The following PTPRT variants were observed in gnomAD, a reference collection of about 807,000 sequenced individuals.
PTPRT encodes protein tyrosine phosphatase receptor type T.
PTPRT carries 56 observed loss-of-function variants against 176.8 expected under a neutral mutation model. The ratio of observed to expected loss-of-function variants is 0.32; its 90% CI spans 0.26 to 0.40. The LOEUF (loss-of-function observed/expected upper bound fraction) is 0.40, where lower values mean the gene tolerates loss of function less well. Ranked by LOEUF, PTPRT falls within the 10% of genes least tolerant of loss-of-function variation. The pLI is 1.00. For missense variants in PTPRT, 1,540 were observed against 1,908.2 expected (o/e 0.81, Z 3.60); for synonymous variants, 783 against 739.0 (o/e 1.06, Z -0.96).
intron 6 of PTPRT, among the ~76,000 whole-genome samples, chr20:42,730,628 T>G (rs573826650): frequency 6.6e-6 from 1 of 152,132 alleles, no homozygotes; most frequent in Non-Finnish European, 1.5e-5. Context: ...TGGTTCACTT[T>G]GTGGTAAACA....
Position 42,756,468 on chromosome 20 carries a change from C to T in PTPRT, c.853G>A (p.Val285Met), listed in dbSNP as rs776607737. Reference sequence around the variant, plus strand: ...GCAGGCTGGAGGCACTCACCTTTCACGATCAGCTCCGCGTAGTTGGACACA... The same window carrying T: ...GCAGGCTGGAGGCACTCACCTTTCATGATCAGCTCCGCGTAGTTGGACACA... ...SGVSNYAELI[V>M]KEPPTPIAPP... Residue 285 changes from valine (V) to methionine (M), a missense_variant, in exon 6 of 31, where the codon GTG (valine) becomes ATG (methionine). Physicochemically the swap from Val to Met is conservative, Grantham distance 21 (BLOSUM62 1). Around this residue, in one of 11 missense-constraint regions of PTPRT, gnomAD observed 273 missense variants for 432.1 expected, o/e 0.63. Coordinates refer to ENST00000373187, the MANE Select transcript of PTPRT (RefSeq NM_007050.6). 5 of 1,554,148 alleles carry T rather than the reference C, an allele frequency of 3.2e-6. No individual in the cohort carries two copies. Among genetic ancestry groups the T allele is most frequent in the Non-Finnish European group, 3.5e-6 (4 of 1,145,576 alleles).
chr20:42,654,422 A>G (rs2075087180), intron 7 of PTPRT, among the ~76,000 whole-genome samples: 1 of 152,154 alleles, frequency 6.6e-6, no homozygotes, highest in Non-Finnish European at 1.5e-5. Context: ...GGAACAAGGA[A>G]GTAGCAACTG....
intron 11 of PTPRT, among the ~76,000 whole-genome samples, chr20:42,323,052 A>G (rs1360906456): frequency 1.3e-5 from 2 of 151,930 alleles, no homozygotes; most frequent in Non-Finnish European, 2.9e-5. Flanking sequence ...AATCAAAACC[A>G]CAATGAGATA....
intron 15 of PTPRT, among the ~76,000 whole-genome samples, chr20:42,223,333 G>T (rs974676763): frequency 6.6e-6 from 1 of 152,116 alleles, no homozygotes; most frequent in Non-Finnish European, 1.5e-5. Context: ...TGGTGTTATT[G>T]TCCCCAATTT....
At chr20:42,961,389 T>C (rs1421803898) in intron 1 of PTPRT, among the ~76,000 whole-genome samples, 1 of 152,232 alleles carries the variant, frequency 6.6e-6, no homozygotes, top group Non-Finnish European at 1.5e-5. Context: ...AGATGTTGGA[T>C]ATTTTAGTTA....
At chr20:43,035,572 T>C (rs1986343593) in intron 1 of PTPRT, among the ~76,000 whole-genome samples, 1 of 152,218 alleles carries the variant, frequency 6.6e-6, no homozygotes, top group Non-Finnish European at 1.5e-5. Context: ...TCATCCTTGT[T>C]TTTGCCTTTC....
chr20:42,110,504 C>T lies in PTPRT; in HGVS notation c.3100-17G>A, dbSNP rs765848376. On this transcript the variant is annotated splice_polypyrimidine_tract_variant and intron_variant, in intron 22 of 30. Coordinates refer to ENST00000373187, the MANE Select transcript of PTPRT (RefSeq NM_007050.6). ...GTAGCCTTTCTGAGGAAAGAACGGG[C>T]CTCTGTTCTTCCAGCTGCTGCCCTC... 6.3e-7 allele frequency: 1 copy of T among 1,578,288 alleles called. No individual in the cohort carries two copies. Among genetic ancestry groups the T allele is most frequent in the Non-Finnish European group, 8.6e-7 (1 of 1,157,976 alleles).
intron 2 of PTPRT, among the ~76,000 whole-genome samples, chr20:42,846,151 T>G (rs1220181018): frequency 6.6e-6 from 1 of 152,174 alleles, no homozygotes; most frequent in Non-Finnish European, 1.5e-5. Context: ...CCTACTTTGA[T>G]AAGGTCACTC....
chr20:42,886,815 T>C (rs1406421033), intron 1 of PTPRT, among the ~76,000 whole-genome samples: 2 of 152,142 alleles, frequency 1.3e-5, no homozygotes, highest in South Asian at 4.1e-4. Flanking sequence ...TCCAGAGAAA[T>C]GAGCCCATTA....
At chr20:42,448,146 G>T in intron 9 of PTPRT, 74 bp downstream of exon 9, 1 of 1,126,992 alleles carries the variant, frequency 8.9e-7, no homozygotes, top group Non-Finnish European at 1.3e-6. Context: ...AGCAGAATGG[G>T]TATTCACCAA....
At position 42,743,188 on chromosome 20, in the gene PTPRT, T is replaced by G. The variant is rs139112280; in HGVS notation, c.859+13274A>C. On this transcript the variant is annotated intron_variant, in intron 6 of 30. Coordinates refer to ENST00000373187, the MANE Select transcript of PTPRT (RefSeq NM_007050.6). ...TCCATCAAAAAGGCACAGTTTCCAT[T>G]TACTGGGTTGAAAGTGAGTCACATC... Among the ~76,000 whole-genome samples the G allele has an allele frequency of 2.9e-4, 44 of 152,310 alleles. No individual in the cohort carries two copies. In the East Asian group the frequency reaches 6.6e-3, roughly 23 times the overall value.
At chr20:42,486,468 C>T (rs1308470880) in intron 7 of PTPRT, among the ~76,000 whole-genome samples, 8 of 152,166 alleles carry the variant, frequency 5.3e-5, no homozygotes, top group African/African-American at 1.9e-4. Flanking sequence ...TATTTATGAA[C>T]TGTGTGACAT....
intron 7 of PTPRT, among the ~76,000 whole-genome samples, chr20:42,623,145 C>G (rs1180861154): frequency 1.3e-5 from 2 of 152,244 alleles, no homozygotes; most frequent in East Asian, 3.9e-4. Context: ...CTCTTTAAGT[C>G]CATGTGCAGC....
intron 2 of PTPRT, among the ~76,000 whole-genome samples, chr20:42,829,936 G>C (rs941066491): frequency 6.6e-6 from 1 of 152,124 alleles, no homozygotes; most frequent in African/African-American, 2.4e-5. Flanking sequence ...AATGAGCTCT[G>C]AAATTGAATT....
intron 1 of PTPRT, among the ~76,000 whole-genome samples, chr20:42,932,232 C>G (rs1320882860): frequency 6.6e-6 from 1 of 152,214 alleles, no homozygotes; most frequent in Admixed American, 6.5e-5. Context: ...AGAGCCAAGC[C>G]TAGGGGAAAT....
chr20:42,446,814 C>T (rs576522478), intron 9 of PTPRT, among the ~76,000 whole-genome samples: 7 of 152,158 alleles, frequency 4.6e-5, no homozygotes, highest in Admixed American at 3.3e-4. Context: ...TTCTCCCAAG[C>T]GTGTGGCCTG....
At position 42,682,417 on chromosome 20, in the gene PTPRT, T is replaced by C. The variant is rs73907232; in HGVS notation, c.860-4258A>G. On this transcript the variant is annotated intron_variant, in intron 6 of 30. Transcript: ENST00000373187. ...ATTCCCTCTTATCAGCACCATCAGA[T>C]GCTTGAATTCCTAACAGTTTTTCAA... Among the ~76,000 whole-genome samples the C allele has an allele frequency of 2.0e-3, 300 of 152,330 alleles. 1 individual carries two copies. The highest frequency in any genetic ancestry group is 6.8e-3 in the African/African-American group (283 of 41,584).
chr20:43,180,711 C>T (rs1179551176), intron 1 of PTPRT, among the ~76,000 whole-genome samples: 1 of 152,132 alleles, frequency 6.6e-6, no homozygotes, highest in African/African-American at 2.4e-5. Context: ...GATCCGCCCA[C>T]CTCGGCTTCC....
At chr20:43,019,000 CAT>C (rs1338819274) in intron 1 of PTPRT, among the ~76,000 whole-genome samples, 1 of 152,102 alleles carries the variant, frequency 6.6e-6, no homozygotes, top group South Asian at 2.1e-4. Flanking sequence ...TACTGAAATA[CAT>C]ATATCACATG....
Sources: allele counts gnomAD v4.1 joint callset (sites outside exome capture counted in the v4.1 genomes callset), GRCh38; gene constraint gnomAD v4.1.1; regional missense constraint gnomAD v4.1.1; transcripts MANE v1.5; gene names NCBI Gene and HGNC (gene_info 2026-07-23, HGNC 2026-07-21).